CTNNA3: variants seen among roughly 807,000 people sequenced by gnomAD.
CTNNA3 encodes the protein catenin alpha 3.
Under a neutral mutation model 95.7 loss-of-function variants are expected in CTNNA3, and 76 were observed. The ratio of observed to expected loss-of-function variants is 0.79; its 90% CI spans 0.66 to 0.96. The LOEUF is 0.96. Ranked by LOEUF, CTNNA3 falls within the 40% of genes least tolerant of loss-of-function variation. CTNNA3 has a pLI of 0.00. For synonymous variants in CTNNA3, 431 were observed against 374.4 expected (o/e 1.15, Z -1.74); for missense variants, 1,191 against 1,089.8 (o/e 1.09, Z -1.31).
intron 5 of CTNNA3, among the ~76,000 whole-genome samples, chr10:67,267,349 G>A (rs1398901836): frequency 1.3e-5 from 2 of 152,112 alleles, no homozygotes; most frequent in African/African-American, 4.8e-5. Context: ...AAAGCGATAT[G>A]AAAATTAAAT....
At chr10:65,998,382 A>T (rs1301002833) in intron 15 of CTNNA3, among the ~76,000 whole-genome samples, 1 of 151,724 alleles carries the variant, frequency 6.6e-6, no homozygotes, top group Non-Finnish European at 1.5e-5. Context: ...CCCTTTTTTG[A>T]AAAAAAATAA....
intron 1 of CTNNA3, among the ~76,000 whole-genome samples, chr10:67,723,385 G>T (rs1442834734): frequency 2.6e-5 from 4 of 151,434 alleles, no homozygotes; most frequent in African/African-American, 9.7e-5. Flanking sequence ...TGGACCTCCT[G>T]GGTCCAAGTG....
At chr10:67,316,773 C>A (rs926611856) in intron 5 of CTNNA3, among the ~76,000 whole-genome samples, 1 of 152,110 alleles carries the variant, frequency 6.6e-6, no homozygotes, top group Non-Finnish European at 1.5e-5. Flanking sequence ...TACCTCCTCA[C>A]ATTCAGAGGA....
chr10:67,139,054 A>C (rs1860423179), intron 7 of CTNNA3, among the ~76,000 whole-genome samples: 1 of 152,230 alleles, frequency 6.6e-6, no homozygotes, highest in South Asian at 2.1e-4. Context: ...CAGTGTGAAA[A>C]TAAAAGATAC....
intron 5 of CTNNA3, among the ~76,000 whole-genome samples, chr10:67,352,053 A>G (rs1350716179): frequency 6.6e-6 from 1 of 152,024 alleles, no homozygotes; most frequent in African/African-American, 2.4e-5. Flanking sequence ...AAATAACACA[A>G]TATTTGCCTT....
At chr10:66,502,119 T>C (rs1270857635) in intron 11 of CTNNA3, among the ~76,000 whole-genome samples, 1 of 152,162 alleles carries the variant, frequency 6.6e-6, no homozygotes, top group Non-Finnish European at 1.5e-5. Context: ...TCAGAAAGTA[T>C]TATTCTATTA....
At chr10:66,024,084 C>CTTTTTTTTTTTTTTTTT (rs1183185763) in intron 15 of CTNNA3, among the ~76,000 whole-genome samples, 4 of 62,674 alleles carry the variant, frequency 6.4e-5, no homozygotes, top group African/African-American at 2.1e-4. Context: ...ATACCATACA[C>CTTTTTTTTTTTTTTTTT]ATTTTTTTTT....
At chr10:67,394,564 T>C (rs987375322) in intron 5 of CTNNA3, among the ~76,000 whole-genome samples, 1 of 152,062 alleles carries the variant, frequency 6.6e-6, no homozygotes, top group Non-Finnish European at 1.5e-5. Flanking sequence ...CTGGCTAAGG[T>C]CATTCTGATC....
chr10:66,229,803 T>C (rs1265775668), intron 13 of CTNNA3, among the ~76,000 whole-genome samples: 1 of 152,182 alleles, frequency 6.6e-6, no homozygotes, highest in African/African-American at 2.4e-5. Context: ...TTTCATTAAA[T>C]AGGTTTCTGC....
intron 9 of CTNNA3, among the ~76,000 whole-genome samples, chr10:66,713,817 A>C (rs1024171851): frequency 1.3e-5 from 2 of 152,090 alleles, no homozygotes; most frequent in Admixed American, 6.6e-5. Context: ...TATAACTTTC[A>C]TATATTTACA....
At chr10:67,520,444 T>C (rs1162850925) in intron 5 of CTNNA3, among the ~76,000 whole-genome samples, 1 of 152,018 alleles carries the variant, frequency 6.6e-6, no homozygotes, top group Non-Finnish European at 1.5e-5. Flanking sequence ...CAAATACCCC[T>C]CCATGGTAAA....
intron 12 of CTNNA3, among the ~76,000 whole-genome samples, chr10:66,349,644 G>A (rs1020352600): frequency 6.6e-6 from 1 of 151,992 alleles, no homozygotes; most frequent in Non-Finnish European, 1.5e-5. Context: ...TGAATTATCA[G>A]GATGATCTTT....
chr10:66,226,554 C>T (rs1262005697), intron 13 of CTNNA3, among the ~76,000 whole-genome samples: 1 of 149,198 alleles, frequency 6.7e-6, no homozygotes, highest in African/African-American at 2.4e-5. Flanking sequence ...TGGTTCCATA[C>T]AAATTTTAGG....
chr10:66,590,972 C>A (rs76182142), intron 10 of CTNNA3, among the ~76,000 whole-genome samples: 3,659 of 152,148 alleles, frequency 0.024, 86 homozygotes, highest in South Asian at 0.064. Context: ...CAATTTAATA[C>A]GGTTTACTGA....
intron 12 of CTNNA3, among the ~76,000 whole-genome samples, chr10:66,337,241 A>C (rs548709968): frequency 4.4e-4 from 67 of 152,266 alleles, no homozygotes; most frequent in African/African-American, 1.6e-3. Context: ...TTTAATCTGC[A>C]TACGAAGGCT....
intron 5 of CTNNA3, among the ~76,000 whole-genome samples, chr10:67,503,946 A>C (rs937145916): frequency 6.6e-6 from 1 of 152,106 alleles, no homozygotes; most frequent in African/African-American, 2.4e-5. Flanking sequence ...TCACAAGGTC[A>C]GGAGATCAAG....
intron 9 of CTNNA3, among the ~76,000 whole-genome samples, chr10:66,652,187 T>A (rs1392761831): frequency 1.4e-5 from 2 of 146,940 alleles, no homozygotes. Context: ...AAATAGTGAC[T>A]GAGAAAATGA....
chr10:67,589,816 T>G (rs1207646040), intron 3 of CTNNA3, among the ~76,000 whole-genome samples: 1 of 152,146 alleles, frequency 6.6e-6, no homozygotes, highest in Non-Finnish European at 1.5e-5. Context: ...TCAAGTAAAT[T>G]TCAACCAAGT....
At chr10:66,001,997 T>C (rs1211998801) in intron 15 of CTNNA3, among the ~76,000 whole-genome samples, 1 of 152,134 alleles carries the variant, frequency 6.6e-6, no homozygotes, top group East Asian at 1.9e-4. Flanking sequence ...TAATACAGAA[T>C]TTATTTACTC....
Sources: gnomAD v4.1 joint callset for allele counts (sites outside exome capture counted in the v4.1 genomes callset) on GRCh38, gnomAD v4.1.1 for gene constraint, MANE v1.5 for transcripts, NCBI Gene and HGNC (gene_info 2026-07-23, HGNC 2026-07-21) for gene names.